The following NUPR2 variants were observed in gnomAD, a reference collection of about 807,000 sequenced individuals.
The protein encoded by NUPR2 is nuclear protein 2, transcriptional regulator.
In NUPR2, 14 loss-of-function variants were observed where a neutral mutation model predicts 7.3. The ratio of observed to expected loss-of-function variants is 1.93; its 90% CI spans 1.27 to 3.01. NUPR2 has a LOEUF of 3.01. NUPR2 is among the 30% of genes most tolerant of loss of function. NUPR2 has a pLI of 0.00. For missense variants in NUPR2, 162 were observed against 143.7 expected (o/e 1.13, Z -0.65); for synonymous variants, 56 against 59.7 (o/e 0.94, Z 0.29).
In NUPR2 at chr7:56,116,348, G is replaced by C. The variant is rs751904267; in HGVS notation, c.-34C>G. 7.7e-5 allele frequency: 99 copies of C among 1,281,848 alleles called. 1 individual carries two copies. In the South Asian group the frequency reaches 9.4e-4, roughly 12 times the overall value. 79.4% of individuals were successfully genotyped at this position (1,281,848 alleles called of 1,614,324 possible). A position where few individuals can be genotyped will look rare whatever the true frequency, so the allele number is the denominator to read the frequency against. ...GGCCTGTGGCCACCGGCGGCCACCT[G>C]CCCGCGTCTGGGCGCTCCTGGAAGA... On this transcript the variant is annotated 5_prime_UTR_variant, in exon 1 of 2. Coordinates refer to ENST00000329309, the MANE Select transcript of NUPR2 (RefSeq NM_001145712.2).
intron 1 of NUPR2, among the ~76,000 whole-genome samples, chr7:56,115,432 T>C (rs1271904787): frequency 8.9e-5 from 1 of 11,260 alleles, no homozygotes; most frequent in Non-Finnish European, 1.5e-4. Flanking sequence ...TATATATTTG[T>C]GTGTGTGTGT....
At chr7:56,115,397 A>ATATATATATATATATACATATG (rs1785522266) in intron 1 of NUPR2, among the ~76,000 whole-genome samples, 4 of 14,682 alleles carry the variant, frequency 2.7e-4, no homozygotes, top group Non-Finnish European at 4.3e-4. Flanking sequence ...TCGATCGCAT[A>ATATATATATATATATACATATG]TATATATATA....
At chr7:56,115,394 C>CATATATATATAT (rs1201360215) in intron 1 of NUPR2, among the ~76,000 whole-genome samples, 7 of 30,754 alleles carry the variant, frequency 2.3e-4, no homozygotes, top group African/African-American at 3.5e-4. Flanking sequence ...GGCTCGATCG[C>CATATATATATAT]ATATATATAT....
intron 1 of NUPR2, among the ~76,000 whole-genome samples, chr7:56,115,435 G>GTATATATACATATATA (rs1306832660): frequency 3.1e-5 from 1 of 32,230 alleles, no homozygotes; most frequent in African/African-American, 1.6e-4. Context: ...ATATTTGTGT[G>GTATATATACATATATA]TGTGTGTGTG....
intron 1 of NUPR2, 150 bp downstream of exon 1, chr7:56,115,865 G>T (rs1785541486): frequency 5.3e-6 from 3 of 567,914 alleles, no homozygotes; most frequent in Non-Finnish European, 8.7e-6. Flanking sequence ...TATTGCTATG[G>T]CCATAAGAGG....
rs1562891739 is a variant in NUPR2, at chr7:56,115,403, A to ATATATATATACATATG, written c.*7-507_*7-506insCATATGTATATATATA. ...CTCCCGGGCTCGATCGCATATATAT[A>ATATATATATACATATG]TATATATATATATATATATATATAT... On this transcript the variant is annotated intron_variant, in intron 1 of 1. Transcript: ENST00000329309. Among the ~76,000 whole-genome samples, 32 of 19,100 alleles carry ATATATATATACATATG rather than the reference A, an allele frequency of 1.7e-3. 3 individuals are homozygous for ATATATATATACATATG. Among genetic ancestry groups the ATATATATATACATATG allele is most frequent in the African/African-American group, 0.015 (31 of 2,096 alleles). 12.5% of individuals were successfully genotyped at this position (19,100 alleles called of 152,430 possible).
chr7:56,115,413 A>ATACACATATGTATATATATACATATG (rs1554376500), intron 1 of NUPR2, among the ~76,000 whole-genome samples: 6 of 46,364 alleles, frequency 1.3e-4, no homozygotes, highest in African/African-American at 2.4e-4. Flanking sequence ...ATATATATAT[A>ATACACATATGTATATATATACATATG]TATATATATA....
At chr7:56,115,416 T>TGTATATATATAC (rs1785525170) in intron 1 of NUPR2, among the ~76,000 whole-genome samples, 3 of 19,202 alleles carry the variant, frequency 1.6e-4, no homozygotes, top group African/African-American at 1.1e-3. Context: ...TATATATATA[T>TGTATATATATAC]ATATATATAT....
At position 56,115,429 on chromosome 7, in the gene NUPR2, TTGTGTGTG is replaced by T. The variant is rs59426127; in HGVS notation, c.*7-540_*7-533del. Among the ~76,000 whole-genome samples the T allele has an allele frequency of 8.0e-3, 244 of 30,474 alleles. 3 individuals are homozygous for T. The highest frequency in any genetic ancestry group is 0.018 in the East Asian group (10 of 568). 20.0% of individuals were successfully genotyped at this position (30,474 alleles called of 152,430 possible). On this transcript the variant is annotated intron_variant, in intron 1 of 1. Coordinates refer to ENST00000329309, the MANE Select transcript of NUPR2 (RefSeq NM_001145712.2). ...TATATATATATATATATATATATAT[TTGTGTGTG>T]TGTGTGTGTGTGTGTGTGTGTGTGT...
In NUPR2 at chr7:56,116,218, C is replaced by G; in HGVS notation, c.97G>C (p.Asp33His). The change falls in exon 1 of 2, where the codon GAC (aspartate) becomes CAC (histidine). Residue 33 changes from aspartate to histidine, a missense_variant. Asp to His is a moderately conservative substitution (Grantham distance 81). Coordinates refer to ENST00000329309, the MANE Select transcript of NUPR2 (RefSeq NM_001145712.2). ...GGGAAGTCGCGCAGGTAGTAGTAGT[C>G]CAGGCAGTCGTAAAGCTCCTCCTCG... ...SYEEELYDCL[D>H]YYYLRDFPAC... 6.5e-7 allele frequency: 1 copy of G among 1,547,910 alleles called. No individual in the cohort carries two copies.
chr7:56,115,122 G>T (rs781246614), intron 1 of NUPR2, among the ~76,000 whole-genome samples: 2 of 151,808 alleles, frequency 1.3e-5, no homozygotes, highest in Non-Finnish European at 2.9e-5. Context: ...TTTTTATAGC[G>T]ACGTGGTTTC....
intron 1 of NUPR2, among the ~76,000 whole-genome samples, chr7:56,115,722 G>C (rs1431311944): frequency 6.7e-6 from 1 of 148,936 alleles, no homozygotes; most frequent in East Asian, 2.0e-4. Context: ...CGCCCGCCTC[G>C]GCCTCCCAAA....
chr7:56,115,415 A>ACATATGTATATATATACATATATATG lies in NUPR2; in HGVS notation c.*7-519_*7-518insCATATATATGTATATATATACATATG, dbSNP rs60601611. On this transcript the variant is annotated intron_variant, in intron 1 of 1. Coordinates refer to ENST00000329309, the MANE Select transcript of NUPR2 (RefSeq NM_001145712.2). ...ATCGCATATATATATATATATATATATATATATATATATTTGTGTGTGTGT... is the reference window on the plus strand; with the variant it reads ...ATCGCATATATATATATATATATATACATATGTATATATATACATATATATGTATATATATATATTTGTGTGTGTGT... Among the ~76,000 whole-genome samples the ACATATGTATATATATACATATATATG allele has an allele frequency of 2.1e-3, 112 of 52,172 alleles. 13 individuals are homozygous for ACATATGTATATATATACATATATATG. Among genetic ancestry groups the ACATATGTATATATATACATATATATG allele is most frequent in the South Asian group, 2.4e-3 (4 of 1,658 alleles). 34.2% of individuals were successfully genotyped at this position (52,172 alleles called of 152,430 possible). A position where few individuals can be genotyped will look rare whatever the true frequency, so the allele number is the denominator to read the frequency against.
Position 56,116,385 on chromosome 7 carries a change from C to T in NUPR2, c.-71G>A. On this transcript the variant is annotated 5_prime_UTR_variant, in exon 1 of 2. Coordinates refer to ENST00000329309, the MANE Select transcript of NUPR2 (RefSeq NM_001145712.2). Reference sequence around the variant, plus strand: ...GCGCTCCTGGAAGACCCAGCAGCCCCGCCTCGAGTTCCGATGGGCTCCGCG... The same window carrying T: ...GCGCTCCTGGAAGACCCAGCAGCCCTGCCTCGAGTTCCGATGGGCTCCGCG... 2 of 916,182 alleles carry T rather than the reference C, an allele frequency of 2.2e-6. No homozygotes were observed. Among genetic ancestry groups the T allele is most frequent in the South Asian group, 2.5e-5 (1 of 39,994 alleles). The allele number at this position is 916,182 out of a possible 1,614,324, so 56.8% of individuals were successfully genotyped here.
intron 1 of NUPR2, 58 bp downstream of exon 1, chr7:56,115,957 G>A (rs1475797183): frequency 1.5e-6 from 2 of 1,338,276 alleles, no homozygotes; most frequent in Middle Eastern, 2.7e-4. Context: ...CCGCGCCGTG[G>A]GGGGACGCTC....
At chr7:56,115,419 A>ATATATACATATATATG (rs1554376508) in intron 1 of NUPR2, among the ~76,000 whole-genome samples, 9 of 14,860 alleles carry the variant, frequency 6.1e-4, no homozygotes, top group South Asian at 2.1e-3. Flanking sequence ...ATATATATAT[A>ATATATACATATATATG]TATATATATT....
In NUPR2 at chr7:56,115,405, A is replaced by ATGTG; in HGVS notation, c.*7-509_*7-508insCACA. Among the ~76,000 whole-genome samples the ATGTG allele has an allele frequency of 5.7e-5, 2 of 35,200 alleles. 1 individual carries two copies. The highest frequency in any genetic ancestry group is 1.7e-3 in the South Asian group (2 of 1,208). The allele number at this position is 35,200 out of a possible 152,430, so 23.1% of individuals were successfully genotyped here. A position where few individuals can be genotyped will look rare whatever the true frequency, so the allele number is the denominator to read the frequency against. The stretch of plus-strand genomic sequence containing the variant: ...CCCGGGCTCGATCGCATATATATAT[A>ATGTG]TATATATATATATATATATATATTT... On this transcript the variant is annotated intron_variant, in intron 1 of 1. Transcript: ENST00000329309.
Position 56,116,127 on chromosome 7 carries a change from G to C in NUPR2, c.188C>G (p.Pro63Arg), listed in dbSNP as rs556178084. ...RREQALRTNW[P>R]APGGHERKVA... ...CTTGCGCTCGTGCCCGCCAGGTGCA[G>C]GCCAGTTGGTGCGCAGCGCCTGCTC... Residue 63 changes from proline to arginine, a missense_variant, in exon 1 of 2, where the codon CCT becomes CGT. Coordinates refer to ENST00000329309, the MANE Select transcript of NUPR2 (RefSeq NM_001145712.2). 1 of 1,545,430 alleles carries C rather than the reference G, an allele frequency of 6.5e-7. No homozygotes were observed. Among genetic ancestry groups the C allele is most frequent in the Non-Finnish European group, 8.7e-7 (1 of 1,144,858 alleles).
intron 1 of NUPR2, 100 bp downstream of exon 1, chr7:56,115,915 G>C: frequency 9.1e-7 from 1 of 1,097,002 alleles, no homozygotes; most frequent in Non-Finnish European, 1.2e-6. Context: ...GGTTCCCTCA[G>C]AGGCAGCCGA....
Sources: gnomAD v4.1 joint callset for allele counts (sites outside exome capture counted in the v4.1 genomes callset) on GRCh38, gnomAD v4.1.1 for gene constraint, MANE v1.5 for transcripts, NCBI Gene and HGNC (gene_info 2026-07-23, HGNC 2026-07-21) for gene names.